The following TRIP12 variants were observed in gnomAD, a reference collection of about 807,000 sequenced individuals.
TRIP12 encodes thyroid hormone receptor interactor 12, also known as E3 ubiquitin-protein ligase TRIP12.
In TRIP12, 25 loss-of-function variants were observed where a neutral mutation model predicts 244.2. The ratio of observed to expected loss-of-function variants is 0.10; its 90% CI spans 0.07 to 0.14. TRIP12 has a LOEUF of 0.14. Among genes scored for constraint, TRIP12 ranks in the 10% least tolerant of loss-of-function variants. TRIP12 has a pLI of 1.00. For missense variants in TRIP12, 1,677 were observed against 2,486.4 expected (o/e 0.67, Z 6.92); for synonymous variants, 905 against 873.1 (o/e 1.04, Z -0.64).
chr2:229,860,267 G>C (rs1486658328), intron 3 of TRIP12, 139 bp downstream of exon 3: 5 of 1,077,220 alleles, frequency 4.6e-6, no homozygotes, highest in South Asian at 1.7e-5. Context: ...GTGATAAACT[G>C]TCAATCCTAA....
Position 229,909,556 on chromosome 2 carries a change from CT to C in TRIP12, c.-50+12323del, listed in dbSNP as rs1453571327. 2.9e-5 allele frequency among the ~76,000 whole-genome samples: 4 copies of C among 136,066 alleles called. No homozygotes were observed. In the East Asian group the frequency reaches 8.9e-4, roughly 30 times the overall value. The allele number at this position is 136,066 out of a possible 152,430, so 89.3% of individuals were successfully genotyped here. A position where few individuals can be genotyped will look rare whatever the true frequency, so the allele number is the denominator to read the frequency against. Reference sequence around the variant, plus strand: ...CTAGGTGACAGCGTTGAGACCTTGTCTAAAAAAAAAAAAAAAGCCTGGTACA... The same window carrying C: ...CTAGGTGACAGCGTTGAGACCTTGTCAAAAAAAAAAAAAAAGCCTGGTACA... On this transcript the variant is annotated intron_variant, in intron 1 of 41. Coordinates refer to ENST00000675903, the MANE Select transcript of TRIP12 (RefSeq NM_001348323.3).
intron 1 of TRIP12, among the ~76,000 whole-genome samples, chr2:229,887,937 A>G (rs2066405344): frequency 6.6e-6 from 1 of 152,214 alleles, no homozygotes; most frequent in Admixed American, 6.5e-5. Flanking sequence ...GACAACCCCA[A>G]AGATTGCAGT....
Position 229,767,685 on chromosome 2 carries a change from C to T in TRIP12, c.6073G>A (p.Asp2025Asn). ...RKTFESTENP[D>N]DFLPSVMTCV... ...GTCATTACAGAGGGCAAGAAGTCAT[C>T]TGGGTTTTCTGTTGATTCAAACGTC... Residue 2025 changes from aspartate to asparagine, a missense_variant, in exon 42 of 42, where the codon GAT becomes AAT. Physicochemically the swap from Asp to Asn is conservative, Grantham distance 23. Around this residue, in one of 11 missense-constraint regions of TRIP12, gnomAD observed 171 missense variants for 388.4 expected, o/e 0.44. Coordinates refer to ENST00000675903, the MANE Select transcript of TRIP12 (RefSeq NM_001348323.3). 1.2e-6 allele frequency: 2 copies of T among 1,614,106 alleles called. No individual in the cohort carries two copies. The highest frequency in any genetic ancestry group is 1.7e-6 in the Non-Finnish European group (2 of 1,179,996).
Position 229,778,824 on chromosome 2 carries a change from C to A in TRIP12, c.5209+52G>T. ...AATATGTCTAATAAACTGTCAGAGT[C>A]CATTACCTGATCTGAGTAACACAAA... On this transcript the variant is annotated intron_variant, in intron 35 of 41. Coordinates refer to ENST00000675903, the MANE Select transcript of TRIP12 (RefSeq NM_001348323.3). The surrounding 1 kb of genome is among the most constrained non-coding windows in gnomAD (Gnocchi z 4.1). 1 of 1,504,486 alleles carries A rather than the reference C, an allele frequency of 6.6e-7. No homozygotes were observed. Among genetic ancestry groups the A allele is most frequent in the African/African-American group, 1.4e-5 (1 of 72,620 alleles). 93.2% of individuals were successfully genotyped at this position (1,504,486 alleles called of 1,614,324 possible). A position where few individuals can be genotyped will look rare whatever the true frequency, so the allele number is the denominator to read the frequency against.
intron 8 of TRIP12, among the ~76,000 whole-genome samples, chr2:229,822,999 A>C (rs1349001536): frequency 1.3e-5 from 2 of 152,372 alleles, no homozygotes; most frequent in Non-Finnish European, 2.9e-5. Flanking sequence ...ATCAATAGGA[A>C]GTTTTCCAAC....
intron 5 of TRIP12, among the ~76,000 whole-genome samples, chr2:229,840,190 C>T (rs1363364278): frequency 3.9e-5 from 6 of 152,200 alleles, no homozygotes; most frequent in South Asian, 4.1e-4. Context: ...ATTTGGCAGA[C>T]GAGAACTCTG....
At chr2:229,830,248 C>T (rs2052977999) in intron 7 of TRIP12, among the ~76,000 whole-genome samples, 1 of 152,086 alleles carries the variant, frequency 6.6e-6, no homozygotes, top group African/African-American at 2.4e-5. Flanking sequence ...TGGCCAAACG[C>T]CTTATTAAAA....
At chr2:229,918,788 C>T (rs945713891) in intron 1 of TRIP12, among the ~76,000 whole-genome samples, 12 of 152,298 alleles carry the variant, frequency 7.9e-5, no homozygotes, top group African/African-American at 2.9e-4. Flanking sequence ...ACCACCACGA[C>T]TAATGAGAAG....
intron 34 of TRIP12, among the ~76,000 whole-genome samples, chr2:229,782,771 G>A (rs995677575): frequency 6.6e-6 from 1 of 152,096 alleles, no homozygotes; most frequent in African/African-American, 2.4e-5. Context: ...CTAAATCTAT[G>A]ATACTTACCA....
chr2:229,918,208 C>A (rs909455563), intron 1 of TRIP12, among the ~76,000 whole-genome samples: 2 of 152,174 alleles, frequency 1.3e-5, no homozygotes, highest in African/African-American at 4.8e-5. Context: ...CCTTTATCTT[C>A]TATGTTTTTC....
Position 229,792,030 on chromosome 2 carries a change from G to A in TRIP12, c.4251C>T (p.His1417=). ...GTTCTCCAATATAAAACTGCAGCCTGTGTCTTACATTTCCTGAATTTAGGA... is the reference window on the plus strand; with the variant it reads ...GTTCTCCAATATAAAACTGCAGCCTATGTCTTACATTTCCTGAATTTAGGA... ...AQFLNSGNVR[H]RLQFYIGEHL... The change falls in exon 29 of 42, where the codon CAC becomes CAT. Residue 1417 remains histidine, a synonymous_variant. Transcript: ENST00000675903. 6.2e-7 allele frequency: 1 copy of A among 1,614,086 alleles called. No individual in the cohort carries two copies. Among genetic ancestry groups the A allele is most frequent in the Non-Finnish European group, 8.5e-7 (1 of 1,179,984 alleles).
At chr2:229,837,275 CT>C in intron 5 of TRIP12, among the ~76,000 whole-genome samples, 1 of 152,140 alleles carries the variant, frequency 6.6e-6, no homozygotes, top group East Asian at 1.9e-4. Flanking sequence ...AAAAGTGACT[CT>C]TTCTGCAGAG....
chr2:229,894,867 C>A (rs922715689), intron 1 of TRIP12, among the ~76,000 whole-genome samples: 9 of 152,298 alleles, frequency 5.9e-5, no homozygotes, highest in Admixed American at 3.9e-4. Context: ...AAAAAAACTT[C>A]TCTGCCAGTC....
rs766056035 is a variant in TRIP12, at chr2:229,804,058, T to A, written c.2820A>T (p.Ile940=). ...RHKCLRAILR[I]IYFADAELLK... is the part of the protein sequence containing the mutation. ...GAAGTTCAGCATCCGCAAAATAAATTATCCTAAGAATTGCTCTAAGGCACT... is the reference window on the plus strand; with the variant it reads ...GAAGTTCAGCATCCGCAAAATAAATAATCCTAAGAATTGCTCTAAGGCACT... Residue 940 remains isoleucine, a synonymous_variant, in exon 19 of 42, where the codon ATA becomes ATT. Coordinates refer to ENST00000675903, the MANE Select transcript of TRIP12 (RefSeq NM_001348323.3). The A allele has an allele frequency of 5.0e-6, 8 of 1,614,084 alleles. No individual in the cohort carries two copies. Among genetic ancestry groups the A allele is most frequent in the Admixed American group, 1.7e-5 (1 of 59,982 alleles).
chr2:229,810,979 G>A lies in TRIP12; in HGVS notation c.2122C>T (p.Pro708Ser). 6.2e-7 allele frequency: 1 copy of A among 1,614,098 alleles called. No homozygotes were observed. The highest frequency in any genetic ancestry group is 8.5e-7 in the Non-Finnish European group (1 of 1,180,000). The change falls in exon 15 of 42, where the codon CCA becomes TCA. Residue 708 changes from proline (P) to serine (S), a missense_variant. Physicochemically the swap from Pro to Ser is moderately conservative, Grantham distance 74. Coordinates refer to ENST00000675903, the MANE Select transcript of TRIP12 (RefSeq NM_001348323.3). ...TNVQQLLVVT[P>S]PILSSGMFIM... ...AACATCCCAGAACTTAAAATGGGTG[G>A]AGTCACTACCAACAGCTGTTGAACA... is the stretch of plus-strand genomic sequence containing the variant.
At chr2:229,811,910 T>C (rs1432046540) in intron 13 of TRIP12, among the ~76,000 whole-genome samples, 3 of 152,232 alleles carry the variant, frequency 2.0e-5, no homozygotes, top group Non-Finnish European at 2.9e-5. Flanking sequence ...TAAAAGCCTA[T>C]AGCCTAAACC....
intron 39 of TRIP12, among the ~76,000 whole-genome samples, chr2:229,770,605 A>G (rs777186930): frequency 6.6e-6 from 1 of 152,228 alleles, no homozygotes; most frequent in Non-Finnish European, 1.5e-5. Flanking sequence ...ACTACCAGTG[A>G]GTAGTTCTTT....
intron 34 of TRIP12, 42 bp from the exon 35 acceptor site, chr2:229,779,032 TTG>T: frequency 1.3e-6 from 2 of 1,553,448 alleles, no homozygotes; most frequent in Non-Finnish European, 1.8e-6. Context: ...ATTTTAAGAA[TTG>T]TGTTTTTTTA....
chr2:229,819,729 G>A (rs966395981), intron 8 of TRIP12, among the ~76,000 whole-genome samples: 2 of 152,004 alleles, frequency 1.3e-5, no homozygotes, highest in Non-Finnish European at 2.9e-5. Context: ...GACTTTTCCA[G>A]TCCTATATCA....
Sources: gnomAD v4.1 joint callset for allele counts (sites outside exome capture counted in the v4.1 genomes callset) on GRCh38, gnomAD v4.1.1 for gene constraint, gnomAD v4.1.1 regional missense constraint, Gnocchi (gnomAD v3.1) non-coding constraint, MANE v1.5 for transcripts, NCBI Gene and HGNC (gene_info 2026-07-23, HGNC 2026-07-21) for gene names.